The following NFKB1 variants were observed in gnomAD, a reference collection of about 807,000 sequenced individuals.
NFKB1 encodes the protein nuclear factor NF-kappa-B p105 subunit.
In NFKB1, 9 loss-of-function variants were observed where a neutral mutation model predicts 105.1. The ratio of observed to expected loss-of-function variants is 0.09; its 90% confidence interval spans 0.05 to 0.15. The LOEUF is 0.15. Among genes scored for constraint, NFKB1 ranks in the 10% least tolerant of loss-of-function variants. NFKB1 has a pLI of 1.00. For missense variants in NFKB1, 830 were observed against 1,203.7 expected (o/e 0.69, Z 4.59); for synonymous variants, 440 against 442.2 (o/e 1.00, Z 0.06).
intron 9 of NFKB1, 64 bp from the exon 10 acceptor site, chr4:102,582,802 C>A: frequency 1.9e-6 from 2 of 1,052,150 alleles, no homozygotes; most frequent in Non-Finnish European, 2.8e-6. Flanking sequence ...TTTTATTTTT[C>A]AGCATGTTTA....
At position 102,579,139 on chromosome 4, in the gene NFKB1, C is replaced by T; in HGVS notation, c.730+100C>T. On this transcript the variant is annotated intron_variant, in intron 8 of 23. Transcript: ENST00000226574. Reference sequence around the variant, plus strand: ...TGAGTCCTGGGGAAGGTAACTTAATCACTTTAAGCCTCAGCTTTATCATCT... The same window carrying T: ...TGAGTCCTGGGGAAGGTAACTTAATTACTTTAAGCCTCAGCTTTATCATCT... 3 of 1,188,412 alleles carry T rather than the reference C, an allele frequency of 2.5e-6. No individual in the cohort carries two copies. In the South Asian group the frequency reaches 4.8e-5, roughly 19 times the overall value. 73.6% of individuals were successfully genotyped at this position (1,188,412 alleles called of 1,614,324 possible). A position where few individuals can be genotyped will look rare whatever the true frequency, so the allele number is the denominator to read the frequency against.
intron 7 of NFKB1, 123 bp from the exon 8 acceptor site, chr4:102,578,754 GAAGA>G (rs1413073046): frequency 1.1e-6 from 1 of 901,520 alleles, no homozygotes; most frequent in Non-Finnish European, 1.6e-6. Context: ...TTAGCAATAT[GAAGA>G]GTTTCAAAAG....
intron 1 of NFKB1, among the ~76,000 whole-genome samples, chr4:102,502,390 GCACACACACACACA>G (rs754187388): frequency 6.6e-5 from 7 of 105,394 alleles, no homozygotes; most frequent in Middle Eastern, 4.4e-3. Context: ...GCGCGCGCGC[GCACACACACACACA>G]CACACACACA....
intron 6 of NFKB1, among the ~76,000 whole-genome samples, chr4:102,575,672 C>T (rs1046752112): frequency 2.0e-5 from 3 of 152,182 alleles, no homozygotes; most frequent in African/African-American, 7.2e-5. Flanking sequence ...CCATCGCTTC[C>T]TTCAAGTTTT....
In NFKB1 at chr4:102,596,327, T is replaced by A; in HGVS notation, c.1490T>A (p.Val497Asp). The change falls in exon 14 of 24, where the codon GTT becomes GAT. Residue 497 changes from valine (V) to aspartate (D), a missense_variant. Transcript: ENST00000226574. The stretch of plus-strand genomic sequence containing the variant: ...GGAACAAAAGAAGAGAGTGCTGGAG[T>A]TCAGGGTAAGTGAGCACACAAATTA... ...ATGTKEESAG[V>D]QDNLFLEKAM... is the part of the protein sequence containing the mutation. 2 of 1,603,706 alleles carry A rather than the reference T, an allele frequency of 1.2e-6. No individual in the cohort carries two copies. Among genetic ancestry groups the A allele is most frequent in the Non-Finnish European group, 1.7e-6 (2 of 1,173,144 alleles).
chr4:102,546,497 G>GA (rs963982328), intron 5 of NFKB1, among the ~76,000 whole-genome samples: 8 of 151,836 alleles, frequency 5.3e-5, no homozygotes, highest in Non-Finnish European at 8.8e-5. Context: ...AGTAACACTA[G>GA]AAAAAAAATA....
At chr4:102,539,938 G>A (rs552953145) in intron 5 of NFKB1, among the ~76,000 whole-genome samples, 1 of 152,218 alleles carries the variant, frequency 6.6e-6, no homozygotes, top group South Asian at 2.1e-4. Flanking sequence ...GGAGAGAGAG[G>A]CTCACTGGTC....
At chr4:102,588,016 T>G (rs1725856300) in intron 11 of NFKB1, among the ~76,000 whole-genome samples, 1 of 152,148 alleles carries the variant, frequency 6.6e-6, no homozygotes, top group Non-Finnish European at 1.5e-5. Context: ...ATTGCCTAAT[T>G]TTATGTTCTT....
At chr4:102,608,756 TTTCTC>T (rs1445902001) in intron 19 of NFKB1, among the ~76,000 whole-genome samples, 4 of 152,232 alleles carry the variant, frequency 2.6e-5, no homozygotes, top group African/African-American at 4.8e-5. Flanking sequence ...ATATTTTTCT[TTTCTC>T]TTTTGTTAAA....
chr4:102,567,041 A>G lies in NFKB1; in HGVS notation c.313A>G (p.Lys105Glu). The part of the protein sequence containing the change: ...KVIVQLVTNG[K>E]NIHLHAHSLV... ...TATTGTTCAGTTGGTCACAAATGGA[A>G]AAAATATCCACCTGCATGCCCACAG... The change falls in exon 6 of 24, where the codon AAA (lysine) becomes GAA (glutamate). Residue 105 changes from lysine (K) to glutamate (E), a missense_variant. By Grantham distance (56) the Lys-to-Glu change is moderately conservative. This residue lies in a region of NFKB1 where 64 missense variants were observed against 79.9 expected (regional missense o/e 0.80). Coordinates refer to ENST00000226574, the MANE Select transcript of NFKB1 (RefSeq NM_003998.4). 2 of 1,614,060 alleles carry G rather than the reference A, an allele frequency of 1.2e-6. No individual in the cohort carries two copies. The highest frequency in any genetic ancestry group is 1.7e-6 in the Non-Finnish European group (2 of 1,179,920).
At position 102,532,020 on chromosome 4, in the gene NFKB1, A is replaced by G. The variant is rs1317275989; in HGVS notation, c.119-1825A>G. 3.9e-5 allele frequency among the ~76,000 whole-genome samples: 6 copies of G among 152,164 alleles called. No homozygotes were observed. The East Asian group carries it at 1.2e-3, about 29-fold the overall frequency. On this transcript the variant is annotated intron_variant, in intron 3 of 23. Coordinates refer to ENST00000226574, the MANE Select transcript of NFKB1 (RefSeq NM_003998.4). ...TGTATCTTAGTGTGAAAATATTTCT[A>G]TTTCTAATCAATTTTATTTCCATAT...
chr4:102,556,270 C>A (rs561175027), intron 5 of NFKB1, among the ~76,000 whole-genome samples: 1 of 152,224 alleles, frequency 6.6e-6, no homozygotes, highest in South Asian at 2.1e-4. Context: ...ACCCTACAAA[C>A]AGCTGGAAAT....
chr4:102,606,485 T>G lies in NFKB1; in HGVS notation c.1753-11T>G. Reference sequence around the variant, plus strand: ...GCTGACCAGTGAATCTCCTGCCCTTTCACTTTCCAGACGCCCTTGCACTTG... The same window carrying G: ...GCTGACCAGTGAATCTCCTGCCCTTGCACTTTCCAGACGCCCTTGCACTTG... On this transcript the variant is annotated splice_polypyrimidine_tract_variant and intron_variant, in intron 16 of 23. Coordinates refer to ENST00000226574, the MANE Select transcript of NFKB1 (RefSeq NM_003998.4). 1 of 1,613,548 alleles carries G rather than the reference T, an allele frequency of 6.2e-7. No individual in the cohort carries two copies. Among genetic ancestry groups the G allele is most frequent in the Admixed American group, 1.7e-5 (1 of 60,012 alleles).
Position 102,531,612 on chromosome 4 carries a change from A to G in NFKB1, c.118+1698A>G, listed in dbSNP as rs1741295713. On this transcript the variant is annotated intron_variant, in intron 3 of 23. Transcript: ENST00000226574. ...GGTCTAAAGTTAAATTTCTCTGCAC[A>G]GTGGAATGTCCTTTTCATGGCACAG... 2.6e-5 allele frequency among the ~76,000 whole-genome samples: 4 copies of G among 152,190 alleles called. No individual in the cohort carries two copies. The South Asian group carries it at 8.3e-4, about 31-fold the overall frequency.
At chr4:102,571,920 G>C (rs192988487) in intron 6 of NFKB1, among the ~76,000 whole-genome samples, 1 of 152,358 alleles carries the variant, frequency 6.6e-6, no homozygotes, top group African/African-American at 2.4e-5. Context: ...GTGGAAGACA[G>C]TGTGGCGATT....
chr4:102,582,509 A>G (rs1271876900), intron 9 of NFKB1, among the ~76,000 whole-genome samples: 2 of 152,172 alleles, frequency 1.3e-5, no homozygotes, highest in African/African-American at 2.4e-5. Flanking sequence ...ATGTACATCT[A>G]TATATTGAAT....
chr4:102,517,092 T>C (rs1245321100), intron 1 of NFKB1, among the ~76,000 whole-genome samples: 1 of 152,194 alleles, frequency 6.6e-6, no homozygotes, highest in Admixed American at 6.5e-5. Flanking sequence ...CACAGCTTGG[T>C]ATTTGGCCAG....
intron 8 of NFKB1, among the ~76,000 whole-genome samples, chr4:102,579,345 A>G (rs184053788): frequency 6.6e-6 from 1 of 152,184 alleles, no homozygotes; most frequent in African/African-American, 2.4e-5. Flanking sequence ...TATGGTTGAT[A>G]CTTTTAGAAG....
intron 1 of NFKB1, among the ~76,000 whole-genome samples, chr4:102,507,154 T>C (rs1433792689): frequency 1.3e-5 from 2 of 151,782 alleles, no homozygotes; most frequent in Admixed American, 6.6e-5. Flanking sequence ...AAGCCGTCAT[T>C]GTTGAAAAGT....
Sources: gnomAD v4.1 joint callset for allele counts (sites outside exome capture counted in the v4.1 genomes callset) on GRCh38, gnomAD v4.1.1 for gene constraint, gnomAD v4.1.1 regional missense constraint, MANE v1.5 for transcripts, NCBI Gene and HGNC (gene_info 2026-07-23, HGNC 2026-07-21) for gene names.